The following SMAD2 variants were observed in gnomAD, a reference collection of about 807,000 sequenced individuals.
SMAD2 encodes SMAD family member 2.
SMAD2 carries 8 observed loss-of-function variants against 64.4 expected under a neutral mutation model. That is an observed-to-expected ratio of 0.12 (90% CI 0.07 to 0.22). The LOEUF is 0.22. SMAD2 is among the 10% of genes least tolerant of loss of function. SMAD2 has a pLI of 1.00. For missense variants in SMAD2, 289 were observed against 561.2 expected (o/e 0.51, Z 4.90); for synonymous variants, 203 against 195.8 (o/e 1.04, Z -0.31).
At chr18:47,872,052 A>T (rs973356595) in intron 2 of SMAD2, among the ~76,000 whole-genome samples, 10 of 152,200 alleles carry the variant, frequency 6.6e-5, no homozygotes, top group African/African-American at 2.4e-4. Flanking sequence ...ATTGTACTTT[A>T]TTTAATCCTT....
chr18:47,925,307 T>C, intron 1 of SMAD2, among the ~76,000 whole-genome samples: 1 of 152,204 alleles, frequency 6.6e-6, no homozygotes, highest in East Asian at 1.9e-4. Context: ...AGAATTTCTA[T>C]TTTCTTAAGA....
chr18:47,901,425 G>A (rs1005001787), intron 1 of SMAD2, among the ~76,000 whole-genome samples: 1 of 151,986 alleles, frequency 6.6e-6, no homozygotes, highest in African/African-American at 2.4e-5. Context: ...TGTCCAGTCT[G>A]ATGATTTTTG....
rs552379692 is a variant in SMAD2 at position 47,829,347 on chromosome 18, A to G, written c.*12480T>C. 5 of 152,270 alleles carry G rather than the reference A, an allele frequency of 3.3e-5. No homozygotes were observed. Among genetic ancestry groups the G allele is most frequent in the South Asian group, 2.1e-4 (1 of 4,826 alleles). The allele number at this position is 152,270 out of a possible 1,614,324, so 9.4% of individuals were successfully genotyped here. ...AAGTCTTACCCATTGTATTTTACCC[A>G]TAAATGTTTCATTCTGTATCTCTAA... On this transcript the variant is annotated 3_prime_UTR_variant, in exon 11 of 11. Transcript: ENST00000262160.
chr18:47,840,428 G>A lies in SMAD2; in HGVS notation c.*1399C>T. 1 of 232,782 alleles carries A rather than the reference G, an allele frequency of 4.3e-6. No individual in the cohort carries two copies. The highest frequency in any genetic ancestry group is 8.5e-6 in the Non-Finnish European group (1 of 117,780). 14.4% of individuals were successfully genotyped at this position (232,782 alleles called of 1,614,324 possible). On this transcript the variant is annotated 3_prime_UTR_variant, in exon 11 of 11. Coordinates refer to ENST00000262160, the MANE Select transcript of SMAD2 (RefSeq NM_005901.6). ...TTCGGAAATCTCCTCTCACTACAGA[G>A]CATGAAATATTGTCAATCACAAAAC...
At chr18:47,845,261 A>C (rs1262590253) in intron 10 of SMAD2, 79 bp downstream of exon 10, 1 of 1,368,058 alleles carries the variant, frequency 7.3e-7, no homozygotes, top group Admixed American at 1.7e-5. Context: ...ATAGATACAA[A>C]TGAACTCCAG....
In SMAD2 at chr18:47,862,894, G is replaced by A. The variant is rs576704430; in HGVS notation, c.730+2165C>T. Among the ~76,000 whole-genome samples, 6 of 151,844 alleles carry A rather than the reference G, an allele frequency of 4.0e-5. No homozygotes were observed. The South Asian group carries it at 1.2e-3, about 32-fold the overall frequency. Reference sequence around the variant, plus strand: ...GGACTGATTATACAATACTACAAAGGTTAATCGAACTTATAAATTTCTTAC... The same window carrying A: ...GGACTGATTATACAATACTACAAAGATTAATCGAACTTATAAATTTCTTAC... On this transcript the variant is annotated intron_variant, in intron 6 of 10. Coordinates refer to ENST00000262160, the MANE Select transcript of SMAD2 (RefSeq NM_005901.6).
chr18:47,889,119 A>C (rs2033059454), intron 2 of SMAD2, among the ~76,000 whole-genome samples: 1 of 152,212 alleles, frequency 6.6e-6, no homozygotes, highest in Admixed American at 6.5e-5. Context: ...AAAAGAAAAA[A>C]AAGGAAATGA....
chr18:47,871,762 T>C (rs1159519953), intron 2 of SMAD2, among the ~76,000 whole-genome samples: 1 of 152,224 alleles, frequency 6.6e-6, no homozygotes, highest in East Asian at 1.9e-4. Flanking sequence ...TCCAAAGATA[T>C]ACTGATTTAA....
At chr18:47,920,546 T>G (rs539068154) in intron 1 of SMAD2, among the ~76,000 whole-genome samples, 2 of 152,170 alleles carry the variant, frequency 1.3e-5, no homozygotes, top group Non-Finnish European at 2.9e-5. Context: ...GAAAAGCTAG[T>G]AACAGTGGTT....
intron 1 of SMAD2, among the ~76,000 whole-genome samples, chr18:47,928,857 C>T (rs2034874611): frequency 6.6e-6 from 1 of 152,150 alleles, no homozygotes; most frequent in South Asian, 2.1e-4. Context: ...CAGTGAACAG[C>T]CTTGAACTCA....
chr18:47,888,981 A>G lies in SMAD2; in HGVS notation c.236+7540T>C, dbSNP rs528817632. On this transcript the variant is annotated intron_variant, in intron 2 of 10. Coordinates refer to ENST00000262160, the MANE Select transcript of SMAD2 (RefSeq NM_005901.6). ...TTGGGGTCTATAATATCAAAGGAAC[A>G]TACTATAACTGAAGGATATATTTGA... Among the ~76,000 whole-genome samples the G allele has an allele frequency of 4.6e-5, 7 of 152,346 alleles. No individual in the cohort carries two copies. In the South Asian group the frequency reaches 1.4e-3, roughly 32 times the overall value.
intron 1 of SMAD2, among the ~76,000 whole-genome samples, chr18:47,924,555 C>G (rs953993867): frequency 1.3e-5 from 2 of 151,762 alleles, no homozygotes; most frequent in South Asian, 2.1e-4. Flanking sequence ...TCGGCCTCCC[C>G]GGTTCAAGCA....
intron 6 of SMAD2, among the ~76,000 whole-genome samples, chr18:47,856,550 A>G (rs1201580732): frequency 6.6e-6 from 1 of 152,198 alleles, no homozygotes; most frequent in African/African-American, 2.4e-5. Context: ...TTGCTTCTTC[A>G]ACCTTAACCC....
At position 47,828,211 on chromosome 18, in the gene SMAD2, C is replaced by T. The variant is rs1012024156; in HGVS notation, c.*13616G>A. The stretch of plus-strand genomic sequence containing the variant: ...AGGAGCGTCTCCGCCCAGCAGCCGC[C>T]CCGTCTGGGAGGGAGGTGGGGGGCA... On this transcript the variant is annotated 3_prime_UTR_variant, in exon 11 of 11. Transcript: ENST00000262160. 6.4e-5 allele frequency: 10 copies of T among 156,204 alleles called. No homozygotes were observed. In the South Asian group the frequency reaches 1.4e-3, roughly 21 times the overall value. The allele number at this position is 156,204 out of a possible 1,614,324, so 9.7% of individuals were successfully genotyped here.
chr18:47,866,641 G>A (rs956038363), intron 5 of SMAD2, among the ~76,000 whole-genome samples: 35 of 152,106 alleles, frequency 2.3e-4, no homozygotes, highest in African/African-American at 7.5e-4. Context: ...CTTAAAATAC[G>A]TTATCTTACT....
At position 47,809,244 on chromosome 18, in the gene SMAD2, C is replaced by T. The variant is rs1454742894; in HGVS notation, c.*32583G>A. On this transcript the variant is annotated 3_prime_UTR_variant, in exon 11 of 11. Coordinates refer to ENST00000262160, the MANE Select transcript of SMAD2 (RefSeq NM_005901.6). ...CTTGGGGGTCAGATAGGAAGCATTC[C>T]AGTTTCTCTAGTTTCTTCTTTCCCC... is the stretch of plus-strand genomic sequence containing the variant. 6.6e-6 allele frequency: 1 copy of T among 152,306 alleles called. No individual in the cohort carries two copies. Among genetic ancestry groups the T allele is most frequent in the Non-Finnish European group, 1.5e-5 (1 of 68,112 alleles). The allele number at this position is 152,306 out of a possible 1,614,324, so 9.4% of individuals were successfully genotyped here.
At chr18:47,911,297 G>C (rs1299188238) in intron 1 of SMAD2, among the ~76,000 whole-genome samples, 1 of 150,808 alleles carries the variant, frequency 6.6e-6, no homozygotes, top group Non-Finnish European at 1.5e-5. Context: ...GTTGCAGTGA[G>C]CCAAAACCAC....
At chr18:47,894,895 C>G (rs1465133841) in intron 2 of SMAD2, among the ~76,000 whole-genome samples, 1 of 152,166 alleles carries the variant, frequency 6.6e-6, no homozygotes, top group Non-Finnish European at 1.5e-5. Context: ...GACTTCTCAG[C>G]CCATTCACCA....
At chr18:47,884,189 A>G (rs1023331656) in intron 2 of SMAD2, among the ~76,000 whole-genome samples, 2 of 152,194 alleles carry the variant, frequency 1.3e-5, no homozygotes, top group African/African-American at 2.4e-5. Context: ...TGCATGTAAT[A>G]TAGGTGACAT....
Sources: gnomAD v4.1 joint callset for allele counts (sites outside exome capture counted in the v4.1 genomes callset) on GRCh38, gnomAD v4.1.1 for gene constraint, MANE v1.5 for transcripts, NCBI Gene and HGNC (gene_info 2026-07-23, HGNC 2026-07-21) for gene names.